Variants in CYTH1 observed in about 807,000 individuals in gnomAD.
The protein encoded by CYTH1 is cytohesin 1, also known as cytohesin-1.
Under a neutral mutation model 61.8 loss-of-function variants are expected in CYTH1, and 18 were observed. The observed-to-expected ratio is 0.29, with a 90% confidence interval of 0.20 to 0.43. The LOEUF is 0.43. CYTH1 is among the 20% of genes least tolerant of loss of function. The pLI is 1.00. For missense variants in CYTH1, 336 were observed against 510.5 expected (o/e 0.66, Z 3.29); for synonymous variants, 174 against 184.3 (o/e 0.94, Z 0.45).
At chr17:78,754,859 A>C (rs1251269279) in intron 1 of CYTH1, among the ~76,000 whole-genome samples, 1 of 152,176 alleles carries the variant, frequency 6.6e-6, no homozygotes, top group Non-Finnish European at 1.5e-5. Flanking sequence ...TATCATTTGT[A>C]CATTCCATTC....
chr17:78,686,391 T>C lies in CYTH1; in HGVS notation c.892-5349A>G, dbSNP rs544768347. On this transcript the variant is annotated intron_variant, in intron 11 of 13. Transcript: ENST00000446868. ...CTTGTTTGAAGACGGAAACCTTGCTTTTCTGGCCTTCCAGCTGGCTCTGGT... is the reference window on the plus strand; with the variant it reads ...CTTGTTTGAAGACGGAAACCTTGCTCTTCTGGCCTTCCAGCTGGCTCTGGT... Among the ~76,000 whole-genome samples, 42 of 152,288 alleles carry C rather than the reference T, an allele frequency of 2.8e-4. 1 individual carries two copies. The South Asian group carries it at 8.7e-3, about 32-fold the overall frequency.
chr17:78,757,995 G>T (rs368149296), intron 1 of CYTH1, among the ~76,000 whole-genome samples: 7 of 152,236 alleles, frequency 4.6e-5, no homozygotes, highest in African/African-American at 1.7e-4. Flanking sequence ...TCATATACTG[G>T]TATGAGGTGT....
In CYTH1 at chr17:78,675,384, C is replaced by G. The variant is rs1173943603; in HGVS notation, c.*707G>C. Reference sequence around the variant, plus strand: ...GACTGCGACCCCGGCCAGGGCAGGCCCCCGACTCTGACTGTGCCGTCTGAG... The same window carrying G: ...GACTGCGACCCCGGCCAGGGCAGGCGCCCGACTCTGACTGTGCCGTCTGAG... On this transcript the variant is annotated 3_prime_UTR_variant, in exon 14 of 14. Transcript: ENST00000446868. The G allele has an allele frequency of 6.6e-6, 1 of 152,340 alleles. No homozygotes were observed. Among genetic ancestry groups the G allele is most frequent in the Admixed American group, 6.5e-5 (1 of 15,286 alleles). The allele number at this position is 152,340 out of a possible 1,614,324, so 9.4% of individuals were successfully genotyped here. A position where few individuals can be genotyped will look rare whatever the true frequency, so the allele number is the denominator to read the frequency against.
intron 11 of CYTH1, among the ~76,000 whole-genome samples, chr17:78,689,918 A>G (rs1380093068): frequency 6.6e-6 from 1 of 151,936 alleles, no homozygotes; most frequent in Non-Finnish European, 1.5e-5. Context: ...GCCGTGAGGT[A>G]GAAACCCTGC....
In CYTH1 at chr17:78,680,318, G is replaced by T; in HGVS notation, c.990C>A (p.Asp330Glu). ...AGGCCTTGATAACTTGGTCTTTATT[G>T]TCGGGGATATAAAGCTCAAAGCAGT... Reference protein sequence around the residue: ...KPNCFELYIPDNKDQVIKACK... With the variant: ...KPNCFELYIPENKDQVIKACK... The change falls in exon 13 of 14, where the codon GAC (aspartate) becomes GAA (glutamate). Residue 330 changes from aspartate (D) to glutamate (E), a missense_variant. Around this residue, in one of 4 missense-constraint regions of CYTH1, gnomAD observed 83 missense variants for 115.6 expected, o/e 0.72. Coordinates refer to ENST00000446868, the MANE Select transcript of CYTH1 (RefSeq NM_004762.6). The T allele has an allele frequency of 1.9e-6, 3 of 1,614,024 alleles. No individual in the cohort carries two copies. The highest frequency in any genetic ancestry group is 2.5e-6 in the Non-Finnish European group (3 of 1,179,964).
Position 78,711,059 on chromosome 17 carries a change from G to A in CYTH1, c.23-1327C>T, listed in dbSNP as rs188622216. On this transcript the variant is annotated intron_variant, in intron 1 of 13. Coordinates refer to ENST00000446868, the MANE Select transcript of CYTH1 (RefSeq NM_004762.6). ...GGGCAGATCACGAGGTCAGGAGACC[G>A]AGACCATCCTGGCTAACATGGTGAA... Among the ~76,000 whole-genome samples, 1,176 of 152,006 alleles carry A rather than the reference G, an allele frequency of 7.7e-3. 6 individuals carry two copies. Among genetic ancestry groups the A allele is most frequent in the Non-Finnish European group, 0.013 (904 of 67,966 alleles).
rs1408793353 is a variant in CYTH1 at position 78,675,823 on chromosome 17, G to C, written c.*268C>G. ...AACACTGAGCAGAGAAACTGGCCAG[G>C]AGGCTGCCCTGCCGACAAGAGCTCT... On this transcript the variant is annotated 3_prime_UTR_variant, in exon 14 of 14. Transcript: ENST00000446868. 10 of 1,422,710 alleles carry C rather than the reference G, an allele frequency of 7.0e-6. No homozygotes were observed. The South Asian group carries it at 1.5e-4, about 22-fold the overall frequency. 88.1% of individuals were successfully genotyped at this position (1,422,710 alleles called of 1,614,324 possible). A position where few individuals can be genotyped will look rare whatever the true frequency, so the allele number is the denominator to read the frequency against.
intron 1 of CYTH1, among the ~76,000 whole-genome samples, chr17:78,712,466 A>C (rs558800721): frequency 1.3e-5 from 2 of 152,030 alleles, no homozygotes; most frequent in East Asian, 3.9e-4. Flanking sequence ...CAGCCTGGCC[A>C]ACATGGTGAA....
intron 1 of CYTH1, among the ~76,000 whole-genome samples, chr17:78,730,808 G>A (rs1353787426): frequency 6.9e-6 from 1 of 145,392 alleles, no homozygotes; most frequent in African/African-American, 2.5e-5. Context: ...GGGACTACAG[G>A]CGCCCGCCAC....
intron 9 of CYTH1, among the ~76,000 whole-genome samples, 200 bp downstream of exon 9, chr17:78,698,069 A>C (rs963359041): frequency 6.6e-6 from 1 of 152,164 alleles, no homozygotes; most frequent in Non-Finnish European, 1.5e-5. Flanking sequence ...AGTCCTCTAT[A>C]AGCCACCCCC....
chr17:78,730,585 T>C (rs2093288423), intron 1 of CYTH1, among the ~76,000 whole-genome samples: 1 of 151,772 alleles, frequency 6.6e-6, no homozygotes, highest in Non-Finnish European at 1.5e-5. Context: ...TCACTGCATC[T>C]TTTTTTAGGT....
chr17:78,745,263 C>T (rs1333897497), intron 1 of CYTH1, among the ~76,000 whole-genome samples: 1 of 152,060 alleles, frequency 6.6e-6, no homozygotes, highest in Non-Finnish European at 1.5e-5. Context: ...GACCCACCAT[C>T]GCCAACCTCA....
chr17:78,747,730 C>T (rs960705632), intron 1 of CYTH1, among the ~76,000 whole-genome samples: 1 of 152,202 alleles, frequency 6.6e-6, no homozygotes, highest in Admixed American at 6.5e-5. Flanking sequence ...GAACTTCATT[C>T]CTTTTTATGA....
intron 1 of CYTH1, among the ~76,000 whole-genome samples, chr17:78,761,693 A>G (rs528851057): frequency 2.0e-5 from 3 of 152,190 alleles, no homozygotes; most frequent in Non-Finnish European, 4.4e-5. Context: ...AGACGAGATC[A>G]CGCCACTGCA....
At chr17:78,690,597 G>A (rs1222967103) in intron 11 of CYTH1, among the ~76,000 whole-genome samples, 1 of 151,772 alleles carries the variant, frequency 6.6e-6, no homozygotes, top group Non-Finnish European at 1.5e-5. Flanking sequence ...TCAGGAGGCT[G>A]AGATGGGAGA....
At chr17:78,767,841 T>C (rs976821484) in intron 1 of CYTH1, among the ~76,000 whole-genome samples, 3 of 152,212 alleles carry the variant, frequency 2.0e-5, no homozygotes, top group African/African-American at 7.2e-5. Context: ...AGGAAGCACT[T>C]GAAAATGCCA....
chr17:78,675,882 C>G lies in CYTH1; in HGVS notation c.*209G>C. The G allele has an allele frequency of 6.7e-7, 1 of 1,488,502 alleles. No individual in the cohort carries two copies. The highest frequency in any genetic ancestry group is 8.9e-7 in the Non-Finnish European group (1 of 1,118,770). 92.2% of individuals were successfully genotyped at this position (1,488,502 alleles called of 1,614,324 possible). A position where few individuals can be genotyped will look rare whatever the true frequency, so the allele number is the denominator to read the frequency against. Reference sequence around the variant, plus strand: ...AGAGAGGAAGGCTCTGGAGCCCATGCTGGACAGGTGGCCGGTCCTCTCTTC... The same window carrying G: ...AGAGAGGAAGGCTCTGGAGCCCATGGTGGACAGGTGGCCGGTCCTCTCTTC... On this transcript the variant is annotated 3_prime_UTR_variant, in exon 14 of 14. Transcript: ENST00000446868.
chr17:78,690,393 CAAAAAAAAAAAAAAAAA>C (rs60663636), intron 11 of CYTH1, among the ~76,000 whole-genome samples: 52 of 28,308 alleles, frequency 1.8e-3, no homozygotes, highest in African/African-American at 4.5e-3. Flanking sequence ...GACTCCATCT[CAAAAAAAAAAAAAAAAA>C]AAAAAAAAAA....
intron 1 of CYTH1, among the ~76,000 whole-genome samples, chr17:78,731,376 AAC>A (rs1192521148): frequency 6.6e-6 from 1 of 152,192 alleles, no homozygotes; most frequent in Non-Finnish European, 1.5e-5. Context: ...CTCCAGCCGT[AAC>A]ACAAAACCCA....
Sources: allele counts gnomAD v4.1 joint callset (sites outside exome capture counted in the v4.1 genomes callset), GRCh38; gene constraint gnomAD v4.1.1; regional missense constraint gnomAD v4.1.1; transcripts MANE v1.5; gene names NCBI Gene and HGNC (gene_info 2026-07-23, HGNC 2026-07-21).